KLF15: variants seen among roughly 807,000 people sequenced by gnomAD.
KLF15 encodes the protein Krueppel-like factor 15.
In KLF15, 4 loss-of-function variants were observed where a neutral mutation model predicts 24.6. The ratio of observed to expected loss-of-function variants is 0.16; its 90% CI spans 0.08 to 0.37. The LOEUF (loss-of-function observed/expected upper bound fraction) is 0.37. KLF15 is among the 10% of genes least tolerant of loss of function. The pLI is 1.00. For synonymous variants in KLF15, 246 were observed against 236.3 expected, an observed-to-expected ratio of 1.04 and a Z score of -0.37; for missense variants, 496 against 560.6, an observed-to-expected ratio of 0.88 and a Z score of 1.16.
the KLF15 span, among the ~76,000 whole-genome samples, chr3:126,302,635 T>C: frequency 1.6e-3 from 249 of 152,304 alleles, 2 homozygotes; most frequent in African/African-American, 5.8e-3. Flanking sequence ...ATAATGGTAA[T>C]ATGAAATTAC....
At chr3:126,297,652 G>C in the KLF15 span, among the ~76,000 whole-genome samples, 1 of 152,004 alleles carries the variant, frequency 6.6e-6, no homozygotes, top group Admixed American at 6.6e-5. Context: ...TTATGCCTTC[G>C]CATCCTCATA....
rs769538730 is a variant in KLF15 at position 126,352,669 on chromosome 3, G to A, written c.254C>T (p.Thr85Met). The change falls in exon 2 of 3, where the codon ACG (threonine) becomes ATG (methionine). Residue 85 changes from threonine (T) to methionine (M), a missense_variant. Physicochemically the swap from Thr to Met is moderately conservative, Grantham distance 81. Coordinates refer to ENST00000296233, the MANE Select transcript of KLF15 (RefSeq NM_014079.4). Reference protein sequence around the residue: ...SILDFLLSQATLGSGGGSGSS... With the variant: ...SILDFLLSQAMLGSGGGSGSS... ...GCCGCTGCCCCCGCCACTGCCCAGC[G>A]TGGCCTGGGACAATAGGAAGTCCAA... 59 of 1,598,540 alleles carry A rather than the reference G, an allele frequency of 3.7e-5. No individual in the cohort carries two copies. The highest frequency in any genetic ancestry group is 1.5e-4 in the South Asian group (13 of 89,298).
intron 2 of KLF15, among the ~76,000 whole-genome samples, chr3:126,347,399 C>T (rs1265580578): frequency 6.6e-6 from 1 of 152,126 alleles, no homozygotes; most frequent in Non-Finnish European, 1.5e-5. Flanking sequence ...GGAGCCAGAC[C>T]CCTAAGTTTG....
At chr3:126,357,206 C>A (rs1414938533) in intron 1 of KLF15, 31 bp downstream of exon 1, 1 of 149,476 alleles carries the variant, frequency 6.7e-6, no homozygotes, top group Non-Finnish European at 1.5e-5. Flanking sequence ...CGCGTCCACG[C>A]GGCCGGCCGG....
At chr3:126,335,437 G>A in the KLF15 span, among the ~76,000 whole-genome samples, 74 of 143,148 alleles carry the variant, frequency 5.2e-4, no homozygotes, top group Non-Finnish European at 9.6e-4. Context: ...AATAATAAGA[G>A]CTATCTATGA....
chr3:126,323,663 A>AC, the KLF15 span, among the ~76,000 whole-genome samples: 3 of 47,716 alleles, frequency 6.3e-5, no homozygotes, highest in African/African-American at 8.6e-5. Flanking sequence ...CTGGCCCCCC[A>AC]CCCCCCAACA....
intron 2 of KLF15, 97 bp downstream of exon 2, chr3:126,351,744 C>G (rs1162425126): frequency 1.6e-6 from 2 of 1,268,834 alleles, no homozygotes; most frequent in African/African-American, 1.5e-5. Flanking sequence ...CCTCATCTAC[C>G]TTCTGTTAAT....
the KLF15 span, among the ~76,000 whole-genome samples, chr3:126,311,522 C>T: frequency 6.6e-6 from 1 of 152,206 alleles, no homozygotes; most frequent in South Asian, 2.1e-4. Context: ...TGAGATGGGA[C>T]AACCTGGCCT....
At chr3:126,309,258 A>G in the KLF15 span, among the ~76,000 whole-genome samples, 2 of 152,250 alleles carry the variant, frequency 1.3e-5, no homozygotes, top group Non-Finnish European at 2.9e-5. Flanking sequence ...TCTGAGAGGA[A>G]AGTGGAAGGA....
At chr3:126,307,471 G>C in the KLF15 span, among the ~76,000 whole-genome samples, 4 of 152,214 alleles carry the variant, frequency 2.6e-5, no homozygotes, top group Admixed American at 2.6e-4. Context: ...AAATGAGCGG[G>C]ATGGTGGCTA....
At chr3:126,354,497 T>C (rs977742940) in intron 1 of KLF15, among the ~76,000 whole-genome samples, 1 of 152,268 alleles carries the variant, frequency 6.6e-6, no homozygotes. Context: ...CAAAGATCTC[T>C]AAGTCTCTTC....
the KLF15 span, among the ~76,000 whole-genome samples, chr3:126,335,997 G>A: frequency 6.9e-6 from 1 of 145,386 alleles, no homozygotes; most frequent in Non-Finnish European, 1.5e-5. Flanking sequence ...TGGCCATACT[G>A]CCCAAGGTAA....
the KLF15 span, among the ~76,000 whole-genome samples, chr3:126,298,273 C>T: frequency 1.4e-5 from 2 of 147,118 alleles, no homozygotes; most frequent in African/African-American, 5.0e-5. Flanking sequence ...TATTCATGTC[C>T]TTAGCCCACT....
chr3:126,322,170 T>C, the KLF15 span, among the ~76,000 whole-genome samples: 7 of 152,184 alleles, frequency 4.6e-5, no homozygotes, highest in African/African-American at 1.7e-4. Flanking sequence ...ACATGTTTGT[T>C]TTCATTCTTC....
chr3:126,318,526 G>A, the KLF15 span, among the ~76,000 whole-genome samples: 1 of 152,164 alleles, frequency 6.6e-6, no homozygotes, highest in African/African-American at 2.4e-5. Flanking sequence ...ATGTATCTGT[G>A]ATGGACGTGC....
In KLF15 at chr3:126,343,693, C is replaced by T. The variant is rs112054229; in HGVS notation, c.*34G>A. The T allele has an allele frequency of 5.9e-3, 9,375 of 1,590,414 alleles. 309 individuals carry two copies. The African/African-American group carries it at 0.085, about 14-fold the overall frequency. On this transcript the variant is annotated 3_prime_UTR_variant, in exon 3 of 3. Transcript: ENST00000296233. ...AAAAAATGGGGATGGGGTGGGGATC[C>T]GGGGTGACGGACAGGCTGGGGTTCA... is the stretch of plus-strand genomic sequence containing the variant.
chr3:126,338,074 C>T (rs1183682712), downstream of KLF15, among the ~76,000 whole-genome samples: 2 of 152,212 alleles, frequency 1.3e-5, no homozygotes, highest in East Asian at 1.9e-4. Flanking sequence ...CTCGGGCATC[C>T]GGAAGACTGA....
chr3:126,335,668 G>C, the KLF15 span, among the ~76,000 whole-genome samples: 1 of 143,226 alleles, frequency 7.0e-6, no homozygotes, highest in Admixed American at 7.0e-5. Context: ...TGTATATCTA[G>C]AAAACCCCAT....
At chr3:126,320,109 A>G in the KLF15 span, among the ~76,000 whole-genome samples, 1 of 152,198 alleles carries the variant, frequency 6.6e-6, no homozygotes, top group Non-Finnish European at 1.5e-5. Flanking sequence ...AGGAGGTAAC[A>G]TAAATGGGTG....
Sources: gnomAD v4.1 joint callset for allele counts (sites outside exome capture counted in the v4.1 genomes callset) on GRCh38, gnomAD v4.1.1 for gene constraint, MANE v1.5 for transcripts, NCBI Gene and HGNC (gene_info 2026-07-23, HGNC 2026-07-21) for gene names.